The following SMARCA2 variants were observed in gnomAD, a reference collection of about 807,000 sequenced individuals.
SMARCA2 encodes the protein SWI/SNF related BAF chromatin remodeling complex subunit ATPase 2, also known as SWI/SNF-related matrix-associated actin-dependent regulator of chromatin subfamily A member 2.
In SMARCA2, 61 loss-of-function variants were observed where a neutral mutation model predicts 199.8. The observed-to-expected ratio is 0.31, with a 90% CI of 0.25 to 0.38. The LOEUF (loss-of-function observed/expected upper bound fraction) is 0.38, where lower values mean the gene tolerates loss of function less well. SMARCA2 is among the 10% of genes least tolerant of loss of function. The probability of loss-of-function intolerance (pLI) is 1.00; values close to 1 mark genes in which losing one functional copy is unlikely to be tolerated. For synonymous variants in SMARCA2, 935 were observed against 732.0 expected, an observed-to-expected ratio of 1.28 and a Z score of -4.48; for missense variants, 1,344 against 2,012.2, an observed-to-expected ratio of 0.67 and a Z score of 6.35.
chr9:2,128,505 G>A (rs1273525939), intron 27 of SMARCA2, among the ~76,000 whole-genome samples: 38 of 152,230 alleles, frequency 2.5e-4, no homozygotes, highest in Admixed American at 2.5e-3. Flanking sequence ...GATGCAGGGT[G>A]CAGTGAAACT....
At chr9:2,120,771 TCCGTC>T (rs1823424027) in intron 26 of SMARCA2, among the ~76,000 whole-genome samples, 1 of 152,128 alleles carries the variant, frequency 6.6e-6, no homozygotes, top group East Asian at 1.9e-4. Context: ...CCTTTCTCCC[TCCGTC>T]CCCGAAATGA....
chr9:2,161,996 G>C lies in SMARCA2; in HGVS notation c.4199+93G>C. 1.2e-5 allele frequency: 12 copies of C among 971,980 alleles called. No homozygotes were observed. In the South Asian group the frequency reaches 2.0e-4, roughly 16 times the overall value. 60.2% of individuals were successfully genotyped at this position (971,980 alleles called of 1,614,324 possible). ...AGGAGTTGTTAAGTTGTGCACTTAG[G>C]TTTTATTAAGGTTCTTTCTAGTTTG... is the stretch of plus-strand genomic sequence containing the variant. On this transcript the variant is annotated intron_variant, in intron 28 of 33. Coordinates refer to ENST00000349721, the MANE Select transcript of SMARCA2 (RefSeq NM_003070.5). This position sits in a 1 kb window ranked among gnomAD's most constrained non-coding sequence, Gnocchi z 4.7.
rs1310973540 is a variant in SMARCA2 at position 2,047,232 on chromosome 9, CG to C, written c.798del (p.Pro267ArgfsTer3). Reference sequence around the variant, plus strand: ...CCATGTCGCTCTTGTCCCGCAGGCCCGGGGCCGGAGCTGAGCGGCCCGAGCA... The same window carrying C: ...CCATGTCGCTCTTGTCCCGCAGGCCCGGGCCGGAGCTGAGCGGCCCGAGCA... ...ALVNYNRPSG[P>X]GPELSGPSTP... On this transcript the variant is annotated frameshift_variant, in exon 5 of 34. Coordinates refer to ENST00000349721, the MANE Select transcript of SMARCA2 (RefSeq NM_003070.5). LOFTEE classifies it high-confidence loss of function. The C allele has an allele frequency of 9.9e-7, 1 of 1,009,314 alleles. No homozygotes were observed. The highest frequency in any genetic ancestry group is 1.2e-6 in the Non-Finnish European group (1 of 846,150). 62.5% of individuals were successfully genotyped at this position (1,009,314 alleles called of 1,614,324 possible). A position where few individuals can be genotyped will look rare whatever the true frequency, so the allele number is the denominator to read the frequency against.
intron 27 of SMARCA2, among the ~76,000 whole-genome samples, chr9:2,155,720 CTTT>C (rs59156319): frequency 1.9e-5 from 1 of 53,152 alleles, no homozygotes; most frequent in Non-Finnish European, 3.5e-5. Context: ...AAGAGAAAAC[CTTT>C]TTTTTTTTTT....
In SMARCA2 at chr9:2,087,026, A is replaced by T; in HGVS notation, c.2724A>T (p.Thr908=). ...LLPTIFKSCS[T]FEQWFNAPFA... ...CAACAATTTTTAAGAGCTGCAGCACATTTGAACAATGGTTCAATGCTCCAT... is the reference window on the plus strand; with the variant it reads ...CAACAATTTTTAAGAGCTGCAGCACTTTTGAACAATGGTTCAATGCTCCAT... The change falls in exon 18 of 34, where the codon ACA becomes ACT. Residue 908 remains threonine, a synonymous_variant. Coordinates refer to ENST00000349721, the MANE Select transcript of SMARCA2 (RefSeq NM_003070.5). The T allele has an allele frequency of 6.2e-7, 1 of 1,614,192 alleles. No individual in the cohort carries two copies. The highest frequency in any genetic ancestry group is 8.5e-7 in the Non-Finnish European group (1 of 1,180,010).
chr9:2,153,388 C>A (rs1246286006), intron 27 of SMARCA2, among the ~76,000 whole-genome samples: 1 of 151,962 alleles, frequency 6.6e-6, no homozygotes, highest in Non-Finnish European at 1.5e-5. Flanking sequence ...AAGAAAATCG[C>A]CAGGCATGGT....
intron 27 of SMARCA2, among the ~76,000 whole-genome samples, chr9:2,126,551 C>G (rs534330140): frequency 2.0e-5 from 3 of 152,242 alleles, no homozygotes; most frequent in Non-Finnish European, 4.4e-5. Flanking sequence ...AAGAGATGTT[C>G]TCTACTGGCT....
At chr9:2,190,565 T>C (rs752725181) in intron 32 of SMARCA2, among the ~76,000 whole-genome samples, 8 of 152,222 alleles carry the variant, frequency 5.3e-5, no homozygotes, top group Non-Finnish European at 1.2e-4. Context: ...AGTATGTACG[T>C]GTGTATATAT....
chr9:2,131,697 G>C (rs563341682), intron 27 of SMARCA2, among the ~76,000 whole-genome samples: 1 of 152,224 alleles, frequency 6.6e-6, no homozygotes, highest in East Asian at 1.9e-4. Flanking sequence ...AAAACAAAAT[G>C]AGGCCGGGTG....
intron 27 of SMARCA2, among the ~76,000 whole-genome samples, chr9:2,136,274 G>A (rs139177708): frequency 7.3e-4 from 108 of 147,494 alleles, no homozygotes; most frequent in African/African-American, 2.6e-3. Flanking sequence ...TGCAACCTGC[G>A]CTTCTCGGGT....
intron 28 of SMARCA2, among the ~76,000 whole-genome samples, chr9:2,163,811 G>A (rs1467856351): frequency 6.6e-6 from 1 of 152,180 alleles, no homozygotes; most frequent in Non-Finnish European, 1.5e-5. Context: ...CTAAGGTGAT[G>A]GCTGTGTCTT....
intron 5 of SMARCA2, among the ~76,000 whole-genome samples, chr9:2,051,654 C>T (rs1195488026): frequency 6.6e-6 from 1 of 152,078 alleles, no homozygotes; most frequent in African/African-American, 2.4e-5. Context: ...ATCAGAATAC[C>T]AAGGGATAGT....
At chr9:2,192,050 C>T (rs1167753181) in intron 33 of SMARCA2, 3 of 154,650 alleles carry the variant, frequency 1.9e-5, no homozygotes, top group Non-Finnish European at 2.9e-5. Context: ...CAGATCACGT[C>T]GCAGAGGTGG....
At chr9:2,151,787 A>G (rs530638141) in intron 27 of SMARCA2, among the ~76,000 whole-genome samples, 10 of 151,424 alleles carry the variant, frequency 6.6e-5, no homozygotes, top group Middle Eastern at 3.4e-3. Flanking sequence ...AAAATGTCCA[A>G]TGAATATAAA....
Position 2,070,489 on chromosome 9 carries a change from T to C in SMARCA2, c.1746+18T>C. 6.3e-7 allele frequency: 1 copy of C among 1,598,810 alleles called. No individual in the cohort carries two copies. The highest frequency in any genetic ancestry group is 8.6e-7 in the Non-Finnish European group (1 of 1,166,318). On this transcript the variant is annotated intron_variant, in intron 10 of 33. Coordinates refer to ENST00000349721, the MANE Select transcript of SMARCA2 (RefSeq NM_003070.5). ...ATGGAGAGGTAAGGGATCGTCATCC[T>C]TTCCACTGTGTTCTGCTGAATGGAG... is the stretch of plus-strand genomic sequence containing the variant.
At chr9:2,041,408 A>T (rs1042487612) in intron 4 of SMARCA2, 2 of 398,592 alleles carry the variant, frequency 5.0e-6, no homozygotes, top group South Asian at 2.5e-4. Context: ...TGATTCATAG[A>T]TGGCTTCCTT....
In SMARCA2 at chr9:2,065,615, C is replaced by G. The variant is rs146974659; in HGVS notation, c.1692+4629C>G. On this transcript the variant is annotated intron_variant, in intron 9 of 33. Transcript: ENST00000349721. Reference sequence around the variant, plus strand: ...ATGTCAGAATAGCCTGCCGTTGGCACAGTTTTCAGTAAAAAGAGCTTGAAA... The same window carrying G: ...ATGTCAGAATAGCCTGCCGTTGGCAGAGTTTTCAGTAAAAAGAGCTTGAAA... Among the ~76,000 whole-genome samples, 627 of 152,314 alleles carry G rather than the reference C, an allele frequency of 4.1e-3. 4 individuals carry two copies. Among genetic ancestry groups the G allele is most frequent in the Non-Finnish European group, 7.6e-3 (520 of 68,018 alleles).
chr9:2,055,420 G>A (rs764380150), intron 6 of SMARCA2, among the ~76,000 whole-genome samples: 2 of 152,236 alleles, frequency 1.3e-5, no homozygotes, highest in Non-Finnish European at 2.9e-5. Flanking sequence ...GACTGAAAAG[G>A]TTCAAGTTTG....
At chr9:2,182,553 G>C (rs1293222200) in intron 31 of SMARCA2, among the ~76,000 whole-genome samples, 2 of 139,172 alleles carry the variant, frequency 1.4e-5, no homozygotes, top group Non-Finnish European at 3.0e-5. Context: ...GAGTGCAGTG[G>C]TGCCTTCTCG....
Sources: allele counts gnomAD v4.1 joint callset (sites outside exome capture counted in the v4.1 genomes callset), GRCh38; gene constraint gnomAD v4.1.1; non-coding constraint Gnocchi (gnomAD v3.1); transcripts MANE v1.5; gene names NCBI Gene and HGNC (gene_info 2026-07-23, HGNC 2026-07-21).